CNTN5: variants seen among roughly 807,000 people sequenced by gnomAD.
CNTN5 encodes contactin-5.
CNTN5 carries 77 observed loss-of-function variants against 129.1 expected under a neutral mutation model. That is an observed-to-expected ratio of 0.60 (90% confidence interval 0.50 to 0.72). The LOEUF is 0.72. CNTN5 is among the 30% of genes least tolerant of loss of function. The pLI, the probability that CNTN5 is intolerant of heterozygous loss-of-function variation, is 0.00. For missense variants in CNTN5, 1,478 were observed against 1,328.8 expected, an observed-to-expected ratio of 1.11 and a Z score of -1.75; for synonymous variants, 509 against 465.6, an observed-to-expected ratio of 1.09 and a Z score of -1.20.
intron 3 of CNTN5, among the ~76,000 whole-genome samples, chr11:99,665,426 T>C (rs558868077): frequency 3.3e-5 from 5 of 151,614 alleles, no homozygotes; most frequent in African/African-American, 9.7e-5. Flanking sequence ...ATAGGAATAA[T>C]TGAATCTTCA....
At chr11:99,620,605 G>T (rs1229535696) in intron 3 of CNTN5, among the ~76,000 whole-genome samples, 1 of 149,086 alleles carries the variant, frequency 6.7e-6, no homozygotes, top group African/African-American at 2.5e-5. Flanking sequence ...TGGTTTTAAA[G>T]GCTGATGGCC....
chr11:99,134,337 C>A (rs976243109), intron 1 of CNTN5, among the ~76,000 whole-genome samples: 1 of 152,130 alleles, frequency 6.6e-6, no homozygotes, highest in Non-Finnish European at 1.5e-5. Context: ...ACAGGTGCAG[C>A]AAACCACCAT....
chr11:99,763,631 C>T (rs926550193), intron 3 of CNTN5, among the ~76,000 whole-genome samples: 1 of 151,862 alleles, frequency 6.6e-6, no homozygotes, highest in Non-Finnish European at 1.5e-5. Flanking sequence ...GTACACCCAC[C>T]TCATTAAGAG....
At chr11:100,156,954 GATTTTTTGAAGTTTT>G (rs1947265074) in intron 13 of CNTN5, among the ~76,000 whole-genome samples, 3 of 151,914 alleles carry the variant, frequency 2.0e-5, no homozygotes, top group Admixed American at 2.0e-4. Context: ...TGGATTCACA[GATTTTTTGAAGTTTT>G]TCGTGTGTGT....
At chr11:100,036,575 T>C (rs7396069) in intron 9 of CNTN5, among the ~76,000 whole-genome samples, 21,881 of 121,092 alleles carry the variant, frequency 0.18, 2,171 homozygotes, top group East Asian at 0.34. Context: ...GCCATTTTCA[T>C]GATATTGATT....
chr11:100,221,045 T>C (rs1949253708), intron 15 of CNTN5, among the ~76,000 whole-genome samples: 2 of 152,124 alleles, frequency 1.3e-5, no homozygotes, highest in South Asian at 4.1e-4. Context: ...CATCTACGAA[T>C]AGCAAGTGCT....
chr11:99,827,713 T>C (rs1033852802), intron 4 of CNTN5, among the ~76,000 whole-genome samples: 8 of 152,218 alleles, frequency 5.3e-5, no homozygotes, highest in African/African-American at 1.7e-4. Flanking sequence ...TTTAGAGGCT[T>C]ATTAACAGAT....
intron 1 of CNTN5, among the ~76,000 whole-genome samples, chr11:99,031,221 G>T (rs1863358741): frequency 6.6e-6 from 1 of 151,960 alleles, no homozygotes; most frequent in Non-Finnish European, 1.5e-5. Flanking sequence ...TTCCAAAAAT[G>T]ACATCTAGAT....
chr11:99,513,119 G>C (rs1191608229), intron 2 of CNTN5, among the ~76,000 whole-genome samples: 1 of 152,146 alleles, frequency 6.6e-6, no homozygotes, highest in African/African-American at 2.4e-5. Flanking sequence ...ATTGCCAATA[G>C]AGAGAAAGTT....
chr11:99,694,838 A>G (rs1039265386), intron 3 of CNTN5, among the ~76,000 whole-genome samples: 1 of 152,080 alleles, frequency 6.6e-6, no homozygotes, highest in African/African-American at 2.4e-5. Context: ...ACCAGACTAG[A>G]TGATTTACTC....
intron 1 of CNTN5, among the ~76,000 whole-genome samples, chr11:99,157,218 A>G (rs1212231960): frequency 6.6e-6 from 1 of 152,048 alleles, no homozygotes; most frequent in Non-Finnish European, 1.5e-5. Context: ...ATAGAGAAGT[A>G]TTTTTAAGGG....
chr11:99,797,567 G>A (rs192611996), intron 3 of CNTN5, among the ~76,000 whole-genome samples: 2 of 152,068 alleles, frequency 1.3e-5, no homozygotes, highest in Non-Finnish European at 2.9e-5. Flanking sequence ...TTGGCCACTT[G>A]TATGTCTTCT....
At position 99,114,639 on chromosome 11, in the gene CNTN5, C is replaced by CT. The variant is rs554681200; in HGVS notation, c.-210+93375dup. On this transcript the variant is annotated intron_variant, in intron 1 of 24. Transcript: ENST00000524871. ...TAAAGGCATATCCATTAATTATCTT[C>CT]TTTTTTAAAAAGTAAAATAGGCTTG... 1.4e-3 allele frequency among the ~76,000 whole-genome samples: 216 copies of CT among 152,098 alleles called. No homozygotes were observed. The Middle Eastern group carries it at 0.02, about 14-fold the overall frequency.
intron 6 of CNTN5, among the ~76,000 whole-genome samples, chr11:99,905,770 G>A (rs576991672): frequency 1.3e-5 from 2 of 152,252 alleles, no homozygotes; most frequent in East Asian, 1.9e-4. Flanking sequence ...TCCTATCCAT[G>A]AGCATGGACG....
Position 99,844,909 on chromosome 11 carries a change from C to G in CNTN5, c.335C>G (p.Thr112Ser). The change falls in exon 5 of 25, where the codon ACT becomes AGT. Residue 112 changes from threonine to serine, a missense_variant. Physicochemically the swap from Thr to Ser is moderately conservative, Grantham distance 58. Coordinates refer to ENST00000524871, the MANE Select transcript of CNTN5 (RefSeq NM_014361.4). The part of the protein sequence containing the change: ...VQEPDDIIFP[T>S]DSDEKKVALN... Reference sequence around the variant, plus strand: ...GAACCAGATGATATTATTTTTCCAACTGATTCTGATGAAAAGAAGGTAGCA... The same window carrying G: ...GAACCAGATGATATTATTTTTCCAAGTGATTCTGATGAAAAGAAGGTAGCA... 6.2e-7 allele frequency: 1 copy of G among 1,613,702 alleles called. No homozygotes were observed. The highest frequency in any genetic ancestry group is 8.5e-7 in the Non-Finnish European group (1 of 1,179,698).
At chr11:100,057,215 A>G (rs1943271727) in intron 9 of CNTN5, among the ~76,000 whole-genome samples, 1 of 148,086 alleles carries the variant, frequency 6.8e-6, no homozygotes, top group African/African-American at 2.4e-5. Flanking sequence ...TATACATTAT[A>G]TATAAAGTAT....
chr11:100,012,361 G>A (rs534761330), intron 9 of CNTN5, among the ~76,000 whole-genome samples: 8 of 152,260 alleles, frequency 5.3e-5, no homozygotes, highest in African/African-American at 7.2e-5. Flanking sequence ...TGGATGTACC[G>A]CTCAGGCTAA....
At chr11:99,900,591 T>G (rs1378548870) in intron 6 of CNTN5, among the ~76,000 whole-genome samples, 1 of 149,618 alleles carries the variant, frequency 6.7e-6, no homozygotes, top group East Asian at 1.9e-4. Flanking sequence ...TAACATGATC[T>G]TTTTTGTTTT....
intron 17 of CNTN5, among the ~76,000 whole-genome samples, chr11:100,265,156 T>C (rs573317929): frequency 1.3e-5 from 2 of 152,280 alleles, no homozygotes; most frequent in Admixed American, 6.5e-5. Context: ...GCTGTACTTA[T>C]ACAAAAGTTT....
Sources: gnomAD v4.1 joint callset for allele counts (sites outside exome capture counted in the v4.1 genomes callset) on GRCh38, gnomAD v4.1.1 for gene constraint, MANE v1.5 for transcripts, NCBI Gene and HGNC (gene_info 2026-07-23, HGNC 2026-07-21) for gene names.